The following LMAN1L variants were observed in gnomAD, a reference collection of about 807,000 sequenced individuals.
LMAN1L encodes lectin, mannose binding 1 like, also known as protein ERGIC-53-like.
LMAN1L carries 60 observed loss-of-function variants against 58.3 expected under a neutral mutation model. That is an observed-to-expected ratio of 1.03 (90% CI 0.84 to 1.27). The LOEUF (loss-of-function observed/expected upper bound fraction) is 1.27, where lower values mean the gene tolerates loss of function less well. LMAN1L is among the 50% of genes most tolerant of loss of function. The pLI is 0.00. For synonymous variants in LMAN1L, 280 were observed against 271.6 expected, an observed-to-expected ratio of 1.03 and a Z score of -0.31; for missense variants, 629 against 674.0, an observed-to-expected ratio of 0.93 and a Z score of 0.74.
rs1596381476 is a variant in LMAN1L at position 74,825,559 on chromosome 15, T to C, written c.1535T>C (p.Leu512Pro). ...LGPAPHTPRA[L>P]GILRRQPLPA... ...CCTGCACCACACACCCCCAGGGCCC[T>C]GGGGATTCTGAGGAGGCAGCCTCTC... is the stretch of plus-strand genomic sequence containing the variant. Residue 512 changes from leucine to proline, a missense_variant, in exon 14 of 14, where the codon CTG becomes CCG. By Grantham distance (98) the Leu-to-Pro change is moderately conservative. Coordinates refer to ENST00000309664, the MANE Select transcript of LMAN1L (RefSeq NM_021819.3). 1.9e-6 allele frequency: 3 copies of C among 1,613,224 alleles called. No individual in the cohort carries two copies. Among genetic ancestry groups the C allele is most frequent in the East Asian group, 2.2e-5 (1 of 44,836 alleles).
rs775184669 is a variant in LMAN1L, at chr15:74,822,656, C to T, written c.1146C>T (p.Val382=). 6.8e-6 allele frequency: 11 copies of T among 1,613,834 alleles called. No individual in the cohort carries two copies. The highest frequency in any genetic ancestry group is 6.7e-5 in the African/African-American group (5 of 74,912). The change falls in exon 11 of 14, where the codon GTC becomes GTT. Residue 382 remains valine, a synonymous_variant. Transcript: ENST00000309664. ...SMSLNKDSAK[V]GALLHGQWTL... ...CCCCTCTGCAGGACTCTGCCAAGGT[C>T]GGTGCCCTGCTCCATGGACAGTGGA...
At chr15:74,821,956 CTGGGAGAA>C in intron 10 of LMAN1L, 56 bp downstream of exon 10, 1 of 1,237,544 alleles carries the variant, frequency 8.1e-7, no homozygotes, top group African/African-American at 1.5e-5. Flanking sequence ...GGCTGGTGCT[CTGGGAGAA>C]CCAGGGCAGA....
intron 11 of LMAN1L, 84 bp from the exon 12 acceptor site, chr15:74,823,475 T>C: frequency 6.7e-7 from 1 of 1,495,392 alleles, no homozygotes; most frequent in African/African-American, 1.4e-5. Context: ...GTGCTGCCCT[T>C]GGGGAGATGG....
chr15:74,819,930 G>A, intron 6 of LMAN1L, 114 bp from the exon 7 acceptor site: 1 of 953,976 alleles, frequency 1.0e-6, no homozygotes, highest in Non-Finnish European at 1.7e-6. Flanking sequence ...TCAGACGGTG[G>A]CCCAAAGTCA....
At chr15:74,813,250 T>C in intron 1 of LMAN1L, 1 of 658,022 alleles carries the variant, frequency 1.5e-6, no homozygotes, top group Admixed American at 2.1e-5. Flanking sequence ...TCTGCCTCTC[T>C]GCTTCCCTGC....
In LMAN1L at chr15:74,823,597, C is replaced by G; in HGVS notation, c.1238C>G (p.Ser413Cys). The change falls in exon 12 of 14, where the codon TCC (serine) becomes TGC (cysteine). Residue 413 changes from serine (S) to cysteine (C), a missense_variant. By Grantham distance (112) the Ser-to-Cys change is moderately radical. This residue lies in a region of LMAN1L where 573 missense variants were observed against 597.3 expected (regional missense o/e 0.96). Coordinates refer to ENST00000309664, the MANE Select transcript of LMAN1L (RefSeq NM_021819.3). Reference protein sequence around the residue: ...AVRMAAEAQVSYLPVGIEHHF... With the variant: ...AVRMAAEAQVCYLPVGIEHHF... ...CGCATGGCTGCAGAAGCCCAGGTCTCCTACCTGCCTGTGGGCATTGAGCAT... is the reference window on the plus strand; with the variant it reads ...CGCATGGCTGCAGAAGCCCAGGTCTGCTACCTGCCTGTGGGCATTGAGCAT... 6.2e-7 allele frequency: 1 copy of G among 1,613,988 alleles called. No homozygotes were observed. The highest frequency in any genetic ancestry group is 8.5e-7 in the Non-Finnish European group (1 of 1,179,916).
At chr15:74,820,449 T>A in intron 7 of LMAN1L, 186 bp from the exon 8 acceptor site, 1 of 784,464 alleles carries the variant, frequency 1.3e-6, no homozygotes, top group Admixed American at 2.1e-5. Flanking sequence ...ACATATAGGC[T>A]TGAGGCCACA....
Position 74,821,158 on chromosome 15 carries a change from G to A in LMAN1L, c.991G>A (p.Ala331Thr). The A allele has an allele frequency of 6.4e-7, 1 of 1,554,074 alleles. No homozygotes were observed. The highest frequency in any genetic ancestry group is 8.7e-7 in the Non-Finnish European group (1 of 1,148,976). The change falls in exon 9 of 14, where the codon GCC becomes ACC. Residue 331 changes from alanine (A) to threonine (T), a missense_variant. Physicochemically the swap from Ala to Thr is moderately conservative, Grantham distance 58. This residue lies in a region of LMAN1L where 573 missense variants were observed against 597.3 expected (regional missense o/e 0.96). Transcript: ENST00000309664. Reference sequence around the variant, plus strand: ...TCTGCGGGGTCTCTCCAAGCAGCTGGCCCAGGCTGAGAGACAATGGAAGAA... The same window carrying A: ...TCTGCGGGGTCTCTCCAAGCAGCTGACCCAGGCTGAGAGACAATGGAAGAA... ...QALRGLSKQL[A>T]QAERQWKKQL...
intron 11 of LMAN1L, 35 bp downstream of exon 11, chr15:74,822,744 G>A (rs2063922952): frequency 6.6e-7 from 1 of 1,512,358 alleles, no homozygotes; most frequent in South Asian, 1.1e-5. Context: ...CCACCACCTT[G>A]TTTCTCCGCC....
rs780746803 is a variant in LMAN1L, at chr15:74,820,672, G to A, written c.812G>A (p.Arg271His). Residue 271 changes from arginine to histidine, a missense_variant, in exon 8 of 14, where the codon CGC becomes CAC. Arg to His is a conservative substitution (Grantham distance 29). Coordinates refer to ENST00000309664, the MANE Select transcript of LMAN1L (RefSeq NM_021819.3). Reference protein sequence around the residue: ...PQPFLEMQQLRLARQLEGLWA... With the variant: ...PQPFLEMQQLHLARQLEGLWA... ...CCCTTCCTGGAGATGCAGCAGCTCCGCCTGGCGAGGCAGCTGGAAGGGCTG... is the reference window on the plus strand; with the variant it reads ...CCCTTCCTGGAGATGCAGCAGCTCCACCTGGCGAGGCAGCTGGAAGGGCTG... 27 of 1,613,794 alleles carry A rather than the reference G, an allele frequency of 1.7e-5. No homozygotes were observed. Among genetic ancestry groups the A allele is most frequent in the South Asian group, 7.7e-5 (7 of 91,074 alleles).
intron 12 of LMAN1L, chr15:74,823,910 G>T (rs2141117968): frequency 3.5e-6 from 2 of 571,298 alleles, no homozygotes; most frequent in East Asian, 5.9e-5. Context: ...GAGTCCCACA[G>T]ACTCAGCAGC....
chr15:74,821,713 T>C, intron 9 of LMAN1L, 116 bp from the exon 10 acceptor site: 1 of 703,906 alleles, frequency 1.4e-6, no homozygotes, highest in African/African-American at 1.8e-5. Flanking sequence ...TTTGCTGGGC[T>C]CTGACAGCTC....
At chr15:74,824,517 C>T (rs766088543) in intron 13 of LMAN1L, 39 bp downstream of exon 13, 4 of 1,611,624 alleles carry the variant, frequency 2.5e-6, no homozygotes, top group Admixed American at 3.3e-5. Context: ...ACAGCACTGG[C>T]ATCTCTTGGT....
intron 6 of LMAN1L, 168 bp from the exon 7 acceptor site, chr15:74,819,871 TCTACC>T: frequency 1.5e-6 from 1 of 667,844 alleles, no homozygotes. Flanking sequence ...CACCCACCCG[TCTACC>T]TGTCAACCCT....
chr15:74,816,464 C>G lies in LMAN1L; in HGVS notation c.368C>G (p.Ser123Cys), dbSNP rs749000582. The G allele has an allele frequency of 6.4e-7, 1 of 1,553,366 alleles. No individual in the cohort carries two copies. The highest frequency in any genetic ancestry group is 1.2e-5 in the South Asian group (1 of 81,368). The part of the protein sequence containing the change: ...WYTRGRGHVG[S>C]VLGGLASWDG... ...ACCCGGGGCAGGGGCCATGTAGGCT[C>G]TGTCCTTGGGGGGCTGGCTTCGTGG... Residue 123 changes from serine (S) to cysteine (C), a missense_variant, in exon 3 of 14, where the codon TCT becomes TGT. Physicochemically the swap from Ser to Cys is moderately radical, Grantham distance 112. Transcript: ENST00000309664.
At chr15:74,814,391 T>TTTTGG (rs1460685145) in intron 1 of LMAN1L, among the ~76,000 whole-genome samples, 1 of 138,070 alleles carries the variant, frequency 7.2e-6, no homozygotes, top group African/African-American at 2.7e-5. Context: ...TTTTTTTTTT[T>TTTTGG]GAGACGGAGT....
Position 74,820,735 on chromosome 15 carries a change from C to G in LMAN1L, c.875C>G (p.Thr292Ser). 6.2e-7 allele frequency: 1 copy of G among 1,613,534 alleles called. No individual in the cohort carries two copies. Among genetic ancestry groups the G allele is most frequent in the Non-Finnish European group, 8.5e-7 (1 of 1,179,888 alleles). ...RLGLGTREDV[T>S]PKSDSEAQGE... The stretch of plus-strand genomic sequence containing the variant: ...GGCTTGGGCACCAGGGAGGATGTAA[C>G]TCCAAAATCAGACTCTGAAGCTCAA... Residue 292 changes from threonine (T) to serine (S), a missense_variant, in exon 8 of 14, where the codon ACT becomes AGT. Around this residue, in one of 3 missense-constraint regions of LMAN1L, gnomAD observed 573 missense variants for 597.3 expected, o/e 0.96. Transcript: ENST00000309664.
intron 3 of LMAN1L, 34 bp from the exon 4 acceptor site, chr15:74,816,598 T>A (rs767993673): frequency 6.2e-7 from 1 of 1,604,844 alleles, no homozygotes. Flanking sequence ...TCCCGCCATG[T>A]CCGCGGCTCA....
rs1164948050 is a variant in LMAN1L, at chr15:74,823,560, G to T, written c.1201G>T (p.Asp401Tyr). 3 of 1,613,650 alleles carry T rather than the reference G, an allele frequency of 1.9e-6. No individual in the cohort carries two copies. In the South Asian group the frequency reaches 3.3e-5, roughly 18 times the overall value. Residue 401 changes from aspartate (D) to tyrosine (Y), a missense_variant and splice_region_variant, in exon 12 of 14, where the codon GAT (aspartate) becomes TAT (tyrosine). Asp to Tyr is a radical substitution (Grantham distance 160). Transcript: ENST00000309664. The part of the protein sequence containing the change: ...TLLQALQEMR[D>Y]AAVRMAAEAQ... ...TACTTGGTTACCACCCCCGGTTAGG[G>T]ATGCAGCTGTCCGCATGGCTGCAGA...
Sources: gnomAD v4.1 joint callset for allele counts (sites outside exome capture counted in the v4.1 genomes callset) on GRCh38, gnomAD v4.1.1 for gene constraint, gnomAD v4.1.1 regional missense constraint, MANE v1.5 for transcripts, NCBI Gene and HGNC (gene_info 2026-07-23, HGNC 2026-07-21) for gene names.